SNX8: variants seen among roughly 807,000 people sequenced by gnomAD.
SNX8 encodes the protein sorting nexin 8.
SNX8 carries 25 observed loss-of-function variants against 51.6 expected under a neutral mutation model. The ratio of observed to expected loss-of-function variants is 0.48; its 90% CI spans 0.35 to 0.68. The LOEUF is 0.68. SNX8 is among the 30% of genes least tolerant of loss of function. The probability of loss-of-function intolerance (pLI) is 0.00; values close to 1 mark genes in which losing one functional copy is unlikely to be tolerated. For synonymous variants in SNX8, 324 were observed against 277.0 expected (o/e 1.17, Z -1.68); for missense variants, 695 against 624.0 (o/e 1.11, Z -1.21).
chr7:2,352,206 C>A lies in SNX8; in HGVS notation c.-66+2016G>T, dbSNP rs113162460. 8.7e-3 allele frequency among the ~76,000 whole-genome samples: 1,321 copies of A among 152,036 alleles called. 18 individuals carry two copies. The highest frequency in any genetic ancestry group is 0.031 in the African/African-American group (1,267 of 41,492). Reference sequence around the variant, plus strand: ...GGATTACAGGTGTGAGCCACCATGCCCGGCCATAATTTCCTTCTTCTAATA... The same window carrying A: ...GGATTACAGGTGTGAGCCACCATGCACGGCCATAATTTCCTTCTTCTAATA... On this transcript the variant is annotated intron_variant, in intron 1 of 5. Coordinates refer to the SNX8 transcript ENST00000435336.
chr7:2,261,925 C>T (rs1795346777), intron 7 of SNX8, among the ~76,000 whole-genome samples: 1 of 152,252 alleles, frequency 6.6e-6, no homozygotes, highest in Admixed American at 6.5e-5. Flanking sequence ...AGGGGAAGCA[C>T]AGCCCTCACG....
chr7:2,346,283 A>C (rs1018530465), intron 1 of SNX8, among the ~76,000 whole-genome samples: 14 of 149,202 alleles, frequency 9.4e-5, no homozygotes, highest in African/African-American at 3.2e-4. Flanking sequence ...TCTCTACAAA[A>C]AATAAAAAGA....
chr7:2,289,166 G>A (rs912115676), intron 1 of SNX8, among the ~76,000 whole-genome samples: 1 of 152,130 alleles, frequency 6.6e-6, no homozygotes, highest in Non-Finnish European at 1.5e-5. Context: ...GGTGGGCGCC[G>A]CTGCGTGACT....
chr7:2,313,042 C>A (rs1796689155), intron 1 of SNX8, among the ~76,000 whole-genome samples: 1 of 152,012 alleles, frequency 6.6e-6, no homozygotes, highest in Non-Finnish European at 1.5e-5. Context: ...GGACTACAGG[C>A]GCCCGCCACC....
intron 7 of SNX8, among the ~76,000 whole-genome samples, chr7:2,260,756 A>G (rs1170837336): frequency 2.0e-5 from 3 of 152,146 alleles, no homozygotes; most frequent in Admixed American, 2.0e-4. Context: ...TTTCACTACA[A>G]CCAAGGACAG....
intron 1 of SNX8, among the ~76,000 whole-genome samples, chr7:2,353,682 C>A (rs1204337130): frequency 1.3e-5 from 2 of 152,126 alleles, no homozygotes; most frequent in African/African-American, 4.8e-5. Context: ...TTCTCATCCT[C>A]CCAAATTGAA....
In SNX8 at chr7:2,284,350, C is replaced by T. The variant is rs565726066; in HGVS notation, c.95-6045G>A. ...CGATCCCTTGTCCTGACCCCGCCCC[C>T]GAAGTAGAATGGAAATCAGGTGTTC... is the stretch of plus-strand genomic sequence containing the variant. On this transcript the variant is annotated intron_variant, in intron 1 of 10. Coordinates refer to ENST00000222990, the MANE Select transcript of SNX8 (RefSeq NM_013321.4). Among the ~76,000 whole-genome samples, 81 of 151,098 alleles carry T rather than the reference C, an allele frequency of 5.4e-4. 1 individual carries two copies. In the South Asian group the frequency reaches 0.014, roughly 25 times the overall value.
At chr7:2,280,911 G>A (rs1371552918) in intron 1 of SNX8, among the ~76,000 whole-genome samples, 1 of 151,160 alleles carries the variant, frequency 6.6e-6, no homozygotes, top group Non-Finnish European at 1.5e-5. Flanking sequence ...TGCTGCCTCA[G>A]CCTCCAGAGT....
intron 1 of SNX8, among the ~76,000 whole-genome samples, chr7:2,293,383 C>T (rs1020898194): frequency 1.3e-5 from 2 of 151,882 alleles, no homozygotes; most frequent in Non-Finnish European, 2.9e-5. Context: ...CAGTCGGGTG[C>T]GGTGGCTCAC....
At chr7:2,277,418 A>G (rs1795805275) in intron 2 of SNX8, among the ~76,000 whole-genome samples, 1 of 152,150 alleles carries the variant, frequency 6.6e-6, no homozygotes, top group African/African-American at 2.4e-5. Flanking sequence ...CTGACATTCT[A>G]ATCCTCGGGG....
intron 1 of SNX8, among the ~76,000 whole-genome samples, chr7:2,303,804 AC>A (rs1796475091): frequency 6.6e-6 from 1 of 152,052 alleles, no homozygotes; most frequent in Admixed American, 6.6e-5. Context: ...GTACCCAGGG[AC>A]ACAAACACTG....
chr7:2,310,827 G>A (rs187118202), intron 1 of SNX8, among the ~76,000 whole-genome samples: 34 of 152,120 alleles, frequency 2.2e-4, no homozygotes, highest in Non-Finnish European at 3.5e-4. Context: ...AATATACTAC[G>A]CTAGGGAAAC....
In SNX8 at chr7:2,254,615, G is replaced by T; in HGVS notation, c.*441C>A. On this transcript the variant is annotated 3_prime_UTR_variant, in exon 11 of 11. Coordinates refer to ENST00000222990, the MANE Select transcript of SNX8 (RefSeq NM_013321.4). ...CAGCACCACTGGCTGTCCCCTCGCT[G>T]TCCGTGGTCAGTCCCATGCCTGGGC... 5.5e-6 allele frequency: 1 copy of T among 182,026 alleles called. No individual in the cohort carries two copies. Among genetic ancestry groups the T allele is most frequent in the East Asian group, 1.7e-4 (1 of 5,838 alleles). The allele number at this position is 182,026 out of a possible 1,614,324, so 11.3% of individuals were successfully genotyped here.
chr7:2,258,012 T>TTG (rs1433232657), intron 7 of SNX8, among the ~76,000 whole-genome samples: 38 of 148,386 alleles, frequency 2.6e-4, no homozygotes, highest in African/African-American at 9.0e-4. Flanking sequence ...AGCAGTCTTT[T>TTG]TTTTTTTTTT....
chr7:2,262,403 G>GT (rs1795358310), intron 7 of SNX8, among the ~76,000 whole-genome samples: 1 of 152,134 alleles, frequency 6.6e-6, no homozygotes, highest in East Asian at 1.9e-4. Flanking sequence ...AGTAAACACC[G>GT]TATCTTCAAA....
chr7:2,351,317 A>G (rs1779134438), intron 1 of SNX8, among the ~76,000 whole-genome samples: 1 of 152,098 alleles, frequency 6.6e-6, no homozygotes, highest in Non-Finnish European at 1.5e-5. Flanking sequence ...TTTGGGAGGC[A>G]GAGTTGGGAG....
chr7:2,346,390 G>C (rs1779027239), intron 1 of SNX8, among the ~76,000 whole-genome samples: 1 of 151,774 alleles, frequency 6.6e-6, no homozygotes, highest in Non-Finnish European at 1.5e-5. Flanking sequence ...AGGCTGCTCT[G>C]AGCTGTGATT....
intron 1 of SNX8, among the ~76,000 whole-genome samples, chr7:2,336,639 C>T (rs149470040): frequency 0.011 from 1,659 of 151,976 alleles, 27 homozygotes; most frequent in African/African-American, 0.038. Context: ...ACCCGGGAGG[C>T]GGAGGTTGCA....
rs1796717758 is a variant in SNX8, at chr7:2,314,337, G to T, written c.85C>A (p.Pro29Thr). 1 of 1,223,416 alleles carries T rather than the reference G, an allele frequency of 8.2e-7. No homozygotes were observed. Among genetic ancestry groups the T allele is most frequent in the Non-Finnish European group, 1.0e-6 (1 of 982,424 alleles). The allele number at this position is 1,223,416 out of a possible 1,614,324, so 75.8% of individuals were successfully genotyped here. A position where few individuals can be genotyped will look rare whatever the true frequency, so the allele number is the denominator to read the frequency against. Residue 29 changes from proline to threonine, a missense_variant, in exon 1 of 11, where the codon CCG becomes ACG. Coordinates refer to ENST00000222990, the MANE Select transcript of SNX8 (RefSeq NM_013321.4). Reference sequence around the variant, plus strand: ...CCGCCCCACGCCCTACCTGACGCCGGGGGATCCGCCTCCTCGTCAGCCTCC... The same window carrying T: ...CCGCCCCACGCCCTACCTGACGCCGTGGGATCCGCCTCCTCGTCAGCCTCC... ...EAEADEEADP[P>T]ASDLPTPQAI...
Sources: allele counts gnomAD v4.1 joint callset (sites outside exome capture counted in the v4.1 genomes callset), GRCh38; gene constraint gnomAD v4.1.1; transcripts MANE v1.5; gene names NCBI Gene and HGNC (gene_info 2026-07-23, HGNC 2026-07-21).